MAPK10: variants seen among roughly 807,000 people sequenced by gnomAD.
MAPK10 encodes JNK3 alpha protein kinase.
MAPK10 carries 25 observed loss-of-function variants against 59.3 expected under a neutral mutation model. The ratio of observed to expected loss-of-function variants is 0.42; its 90% CI spans 0.31 to 0.59. The LOEUF is 0.59. Among genes scored for constraint, MAPK10 ranks in the 20% least tolerant of loss-of-function variants. The pLI is 0.15. For synonymous variants in MAPK10, 190 were observed against 200.5 expected (o/e 0.95, Z 0.44); for missense variants, 351 against 568.9 (o/e 0.62, Z 3.90).
chr4:86,055,456 T>C (rs1317426753), intron 11 of MAPK10, among the ~76,000 whole-genome samples: 1 of 149,862 alleles, frequency 6.7e-6, no homozygotes, highest in African/African-American at 2.5e-5. Context: ...TTGATGTGCT[T>C]TATCAAGTAT....
At chr4:86,204,116 A>C (rs1036455281) in intron 2 of MAPK10, among the ~76,000 whole-genome samples, 1 of 151,948 alleles carries the variant, frequency 6.6e-6, no homozygotes, top group African/African-American at 2.4e-5. Context: ...TGCATAAGCT[A>C]TAAAGCCTAA....
intron 1 of MAPK10, among the ~76,000 whole-genome samples, chr4:86,436,155 C>T (rs1049769071): frequency 6.6e-6 from 1 of 152,166 alleles, no homozygotes; most frequent in Non-Finnish European, 1.5e-5. Flanking sequence ...GGAGTTTATA[C>T]TTCTGGCAAC....
intron 1 of MAPK10, among the ~76,000 whole-genome samples, chr4:86,570,328 A>G (rs1761360272): frequency 6.6e-6 from 1 of 152,172 alleles, no homozygotes; most frequent in Admixed American, 6.6e-5. Flanking sequence ...ATAAATATAA[A>G]CAGGTAAATA....
chr4:86,017,152 T>C lies in MAPK10; in HGVS notation c.*76A>G. The C allele has an allele frequency of 6.9e-7, 1 of 1,446,532 alleles. No individual in the cohort carries two copies. The highest frequency in any genetic ancestry group is 1.2e-5 in the South Asian group (1 of 80,954). The allele number at this position is 1,446,532 out of a possible 1,614,324, so 89.6% of individuals were successfully genotyped here. A position where few individuals can be genotyped will look rare whatever the true frequency, so the allele number is the denominator to read the frequency against. On this transcript the variant is annotated 3_prime_UTR_variant, in exon 14 of 14. Coordinates refer to ENST00000641462, the MANE Select transcript of MAPK10 (RefSeq NM_138982.4). The surrounding 1 kb of genome is among the most constrained non-coding windows in gnomAD (Gnocchi z 4.4). ...TGTTGTGTGTCTGCATTTGTGTGTGTGTGTGTGTCTGCGTGTGTGTGTGTT... is the reference window on the plus strand; with the variant it reads ...TGTTGTGTGTCTGCATTTGTGTGTGCGTGTGTGTCTGCGTGTGTGTGTGTT...
At chr4:86,466,030 T>G (rs1451230864) in intron 1 of MAPK10, among the ~76,000 whole-genome samples, 1 of 152,226 alleles carries the variant, frequency 6.6e-6, no homozygotes, top group African/African-American at 2.4e-5. Context: ...TTATACTTAT[T>G]GGGCATATTT....
At chr4:86,555,316 G>A (rs369837366) in intron 1 of MAPK10, among the ~76,000 whole-genome samples, 17 of 152,006 alleles carry the variant, frequency 1.1e-4, no homozygotes, top group Admixed American at 4.6e-4. Context: ...CGCGGTGGCC[G>A]GTGCCTGTAG....
intron 3 of MAPK10, among the ~76,000 whole-genome samples, chr4:86,179,346 A>G (rs2076389502): frequency 6.6e-6 from 1 of 152,172 alleles, no homozygotes; most frequent in Non-Finnish European, 1.5e-5. Flanking sequence ...AACACCGATG[A>G]AAGAAATTAA....
At chr4:86,079,745 T>C (rs796232084) in intron 9 of MAPK10, 67 of 152,306 alleles carry the variant, frequency 4.4e-4, no homozygotes, top group African/African-American at 1.6e-3. Context: ...TGTACTCTGT[T>C]CTGTAAGACC....
intron 1 of MAPK10, among the ~76,000 whole-genome samples, chr4:86,440,875 A>C (rs1157264447): frequency 6.6e-6 from 1 of 152,204 alleles, no homozygotes; most frequent in Non-Finnish European, 1.5e-5. Context: ...ACAGAGTAAC[A>C]AATATAATAA....
intron 3 of MAPK10, among the ~76,000 whole-genome samples, chr4:86,162,620 T>A (rs2070183032): frequency 1.3e-5 from 2 of 152,044 alleles, no homozygotes; most frequent in African/African-American, 4.8e-5. Context: ...TTGTCATGGT[T>A]TTTTCCTTTC....
At chr4:86,158,384 G>A (rs2068486768) in intron 4 of MAPK10, among the ~76,000 whole-genome samples, 1 of 151,788 alleles carries the variant, frequency 6.6e-6, no homozygotes, top group African/African-American at 2.4e-5. Context: ...CAAGAAAGTG[G>A]CTAAGTTTAT....
chr4:86,505,243 C>T (rs1755645946), intron 1 of MAPK10, among the ~76,000 whole-genome samples: 1 of 152,106 alleles, frequency 6.6e-6, no homozygotes, highest in Non-Finnish European at 1.5e-5. Flanking sequence ...TTTAAGTTTC[C>T]TTTCAGCATC....
intron 1 of MAPK10, chr4:86,358,367 G>T (rs1313705074): frequency 1.0e-6 from 1 of 985,260 alleles, no homozygotes; most frequent in African/African-American, 1.7e-5. Context: ...AATGCCTGGT[G>T]CACTTACACT....
chr4:86,169,589 T>C (rs1188401034), intron 3 of MAPK10, among the ~76,000 whole-genome samples: 21 of 152,236 alleles, frequency 1.4e-4, no homozygotes, highest in Non-Finnish European at 1.8e-4. Flanking sequence ...TACATCTGAT[T>C]GGTGTACCTG....
At chr4:86,273,345 T>C (rs2094487338) in intron 2 of MAPK10, among the ~76,000 whole-genome samples, 1 of 152,026 alleles carries the variant, frequency 6.6e-6, no homozygotes, top group Admixed American at 6.6e-5. Context: ...ATCCTCAAAA[T>C]GGTTCATACC....
chr4:86,448,605 T>C (rs2149053046), intron 1 of MAPK10, among the ~76,000 whole-genome samples: 1 of 152,302 alleles, frequency 6.6e-6, no homozygotes, highest in South Asian at 2.1e-4. Context: ...TTATTACTAT[T>C]ATAAAAGGGC....
intron 11 of MAPK10, among the ~76,000 whole-genome samples, chr4:86,059,657 C>A (rs2045338692): frequency 6.6e-6 from 1 of 152,126 alleles, no homozygotes; most frequent in Non-Finnish European, 1.5e-5. Context: ...AAATAACAAG[C>A]AAGCTCAGCA....
intron 4 of MAPK10, among the ~76,000 whole-genome samples, chr4:86,130,457 T>C (rs2060803489): frequency 6.6e-6 from 1 of 152,004 alleles, no homozygotes; most frequent in Non-Finnish European, 1.5e-5. Flanking sequence ...AAGGAGAAAA[T>C]ACTAGATGCT....
chr4:86,471,125 T>C (rs1328929480), intron 1 of MAPK10, among the ~76,000 whole-genome samples: 2 of 151,632 alleles, frequency 1.3e-5, no homozygotes, highest in Non-Finnish European at 2.9e-5. Context: ...AAAAATTAGC[T>C]GGGTGTGGTG....
Sources: gnomAD v4.1 joint callset for allele counts (sites outside exome capture counted in the v4.1 genomes callset) on GRCh38, gnomAD v4.1.1 for gene constraint, Gnocchi (gnomAD v3.1) non-coding constraint, MANE v1.5 for transcripts, NCBI Gene and HGNC (gene_info 2026-07-23, HGNC 2026-07-21) for gene names.